Variants in GRIK1 observed in about 807,000 individuals in gnomAD.
GRIK1 encodes glutamate ionotropic receptor kainate type subunit 1, also known as glutamate receptor ionotropic, kainate 1.
Under a neutral mutation model 105.7 loss-of-function variants are expected in GRIK1, and 69 were observed. That is an observed-to-expected ratio of 0.65 (90% CI 0.54 to 0.80). The LOEUF is 0.80. GRIK1 is among the 30% of genes least tolerant of loss of function. The pLI is 0.00. For synonymous variants in GRIK1, 438 were observed against 431.3 expected (o/e 1.02, Z -0.19); for missense variants, 1,109 against 1,167.3 (o/e 0.95, Z 0.73).
intron 15 of GRIK1, among the ~76,000 whole-genome samples, chr21:29,560,503 CCTTCCTTCCTTCCTTCCTTT>C (rs775061510): frequency 0.029 from 450 of 15,626 alleles, 61 homozygotes; most frequent in South Asian, 0.056. Context: ...TTCTTTCCTT[CCTTCCTTCCTTCCTTCCTTT>C]CTTTCTTTCT....
chr21:29,935,585 G>C (rs2071719970), intron 1 of GRIK1, among the ~76,000 whole-genome samples: 2 of 152,092 alleles, frequency 1.3e-5, no homozygotes, highest in Admixed American at 1.3e-4. Flanking sequence ...CTCCAGCCAA[G>C]GTAATGATTG....
intron 1 of GRIK1, among the ~76,000 whole-genome samples, chr21:29,844,524 TA>T (rs1204917289): frequency 6.6e-6 from 1 of 152,200 alleles, no homozygotes; most frequent in Non-Finnish European, 1.5e-5. Context: ...GAAATGTAAG[TA>T]AATGTTTCTT....
chr21:29,889,733 A>G (rs1189629073), intron 1 of GRIK1, among the ~76,000 whole-genome samples: 2 of 152,052 alleles, frequency 1.3e-5, no homozygotes, highest in African/African-American at 2.4e-5. Context: ...CCTCTTCTTC[A>G]GTTTAAAATA....
At chr21:29,574,504 T>C (rs989410838) in intron 14 of GRIK1, among the ~76,000 whole-genome samples, 9 of 152,214 alleles carry the variant, frequency 5.9e-5, no homozygotes, top group African/African-American at 2.2e-4. Flanking sequence ...TCCTTGTTTC[T>C]GACAAGGACC....
intron 1 of GRIK1, among the ~76,000 whole-genome samples, chr21:29,813,105 T>A (rs111807580): frequency 1.3e-5 from 2 of 152,060 alleles, no homozygotes; most frequent in Admixed American, 1.3e-4. Context: ...CATGCAATAC[T>A]CCTCTTTTCA....
At chr21:29,902,723 G>A (rs937097765) in intron 1 of GRIK1, among the ~76,000 whole-genome samples, 2 of 152,158 alleles carry the variant, frequency 1.3e-5, no homozygotes, top group African/African-American at 2.4e-5. Context: ...ACTGTCCAAA[G>A]TAATTTATAG....
intron 3 of GRIK1, among the ~76,000 whole-genome samples, chr21:29,677,709 T>C (rs1292682131): frequency 6.6e-6 from 1 of 152,156 alleles, no homozygotes; most frequent in Non-Finnish European, 1.5e-5. Flanking sequence ...GCCTTATAAA[T>C]AGCGAAATAA....
intron 14 of GRIK1, among the ~76,000 whole-genome samples, chr21:29,575,836 C>CA (rs1396215158): frequency 6.6e-6 from 1 of 151,690 alleles, no homozygotes; most frequent in East Asian, 1.9e-4. Flanking sequence ...CATCTCAAAA[C>CA]AAAAAACAAA....
chr21:29,539,026 G>T (rs1305109073), intron 16 of GRIK1, among the ~76,000 whole-genome samples: 2 of 151,676 alleles, frequency 1.3e-5, no homozygotes, highest in African/African-American at 4.9e-5. Flanking sequence ...GTGTTTATAG[G>T]ATTTGAATTT....
intron 13 of GRIK1, among the ~76,000 whole-genome samples, chr21:29,580,838 C>T (rs1031719736): frequency 1.3e-5 from 2 of 152,044 alleles, no homozygotes; most frequent in Admixed American, 6.6e-5. Flanking sequence ...GCAGAATCCC[C>T]GAATTCATAG....
chr21:29,735,663 G>A (rs747018103), intron 1 of GRIK1, among the ~76,000 whole-genome samples: 1 of 151,934 alleles, frequency 6.6e-6, no homozygotes, highest in Non-Finnish European at 1.5e-5. Flanking sequence ...TTGGGAGGTC[G>A]AGGCGGGTGG....
intron 1 of GRIK1, among the ~76,000 whole-genome samples, chr21:29,752,308 T>A (rs920236953): frequency 6.6e-6 from 1 of 152,242 alleles, no homozygotes; most frequent in Non-Finnish European, 1.5e-5. Context: ...GTAGCTTTCC[T>A]GTTCAGTCAC....
chr21:29,875,383 C>T (rs2069157319), intron 1 of GRIK1, among the ~76,000 whole-genome samples: 1 of 152,164 alleles, frequency 6.6e-6, no homozygotes, highest in African/African-American at 2.4e-5. Context: ...CTGGATTTTG[C>T]TCCAAAGTGG....
chr21:29,610,128 G>T (rs2146367170), intron 7 of GRIK1, among the ~76,000 whole-genome samples: 2 of 152,164 alleles, frequency 1.3e-5, no homozygotes, highest in East Asian at 3.8e-4. Flanking sequence ...TTTTCTAGTA[G>T]ACCAGGAAAT....
chr21:29,565,744 G>A (rs564737887), intron 14 of GRIK1, among the ~76,000 whole-genome samples: 3 of 152,288 alleles, frequency 2.0e-5, no homozygotes, highest in Admixed American at 6.5e-5. Flanking sequence ...GGTATAGTGA[G>A]TTTTCTATCA....
intron 7 of GRIK1, among the ~76,000 whole-genome samples, chr21:29,640,767 T>A (rs2062494383): frequency 6.6e-6 from 1 of 152,180 alleles, no homozygotes; most frequent in Admixed American, 6.5e-5. Flanking sequence ...ACCAGCTGTT[T>A]TCTTGTTAAA....
chr21:29,936,072 A>G (rs1164432941), intron 1 of GRIK1, among the ~76,000 whole-genome samples: 3 of 152,188 alleles, frequency 2.0e-5, no homozygotes, highest in Admixed American at 6.5e-5. Flanking sequence ...TGCAACAGCA[A>G]TGGCCTGGTA....
intron 12 of GRIK1, among the ~76,000 whole-genome samples, chr21:29,586,001 T>C (rs970448209): frequency 1.3e-5 from 2 of 152,200 alleles, no homozygotes; most frequent in Non-Finnish European, 2.9e-5. Context: ...TAGCACTCCC[T>C]ACTACCGGCC....
At chr21:29,822,957 G>A (rs55909507) in intron 1 of GRIK1, among the ~76,000 whole-genome samples, 2,218 of 152,066 alleles carry the variant, frequency 0.015, 53 homozygotes, top group African/African-American at 0.049. Context: ...ATGGCAGGAT[G>A]AGAAGGGGCT....
Sources: allele counts gnomAD v4.1 joint callset (sites outside exome capture counted in the v4.1 genomes callset), GRCh38; gene constraint gnomAD v4.1.1; transcripts MANE v1.5; gene names NCBI Gene and HGNC (gene_info 2026-07-23, HGNC 2026-07-21).